The following HS3ST4 variants were observed in gnomAD, a reference collection of about 807,000 sequenced individuals.
HS3ST4 encodes the protein heparan sulfate glucosamine 3-O-sulfotransferase 4.
HS3ST4 carries 17 observed loss-of-function variants against 29.2 expected under a neutral mutation model. The ratio of observed to expected loss-of-function variants is 0.58; its 90% CI spans 0.40 to 0.87. HS3ST4 has a LOEUF of 0.87. Among genes scored for constraint, HS3ST4 ranks in the 40% least tolerant of loss-of-function variants. The pLI, the probability that HS3ST4 is intolerant of heterozygous loss-of-function variation, is 0.00. For missense variants in HS3ST4, 627 were observed against 634.5 expected (o/e 0.99, Z 0.13); for synonymous variants, 314 against 285.7 (o/e 1.10, Z -1.00).
chr16:25,994,848 G>T (rs1220179467), intron 1 of HS3ST4, among the ~76,000 whole-genome samples: 1 of 152,176 alleles, frequency 6.6e-6, no homozygotes, highest in Non-Finnish European at 1.5e-5. Context: ...AAAACATGCA[G>T]CTGAATGGTG....
At chr16:26,021,312 C>G (rs1257859017) in intron 1 of HS3ST4, among the ~76,000 whole-genome samples, 1 of 152,188 alleles carries the variant, frequency 6.6e-6, no homozygotes, top group Admixed American at 6.5e-5. Context: ...CACACTGGAC[C>G]TGCATTCCTG....
intron 1 of HS3ST4, among the ~76,000 whole-genome samples, chr16:25,830,053 G>C (rs1967277663): frequency 6.6e-6 from 1 of 152,048 alleles, no homozygotes; most frequent in Non-Finnish European, 1.5e-5. Flanking sequence ...TCGAGCTCCT[G>C]AGTTCAGGCA....
chr16:26,085,247 A>G (rs1898772983), intron 1 of HS3ST4, among the ~76,000 whole-genome samples: 1 of 152,134 alleles, frequency 6.6e-6, no homozygotes, highest in Admixed American at 6.5e-5. Flanking sequence ...CAACAGTAAC[A>G]CCCACTTCTC....
chr16:26,045,667 T>C (rs1015570337), intron 1 of HS3ST4, among the ~76,000 whole-genome samples: 2 of 152,138 alleles, frequency 1.3e-5, no homozygotes, highest in Admixed American at 6.5e-5. Context: ...CCTTGATGGC[T>C]GATTTTTTTG....
At chr16:25,721,548 T>C (rs1966496151) in intron 1 of HS3ST4, among the ~76,000 whole-genome samples, 1 of 152,226 alleles carries the variant, frequency 6.6e-6, no homozygotes, top group South Asian at 2.1e-4. Context: ...AGGAACATGT[T>C]TGCCTGCCCA....
At chr16:25,928,510 A>G (rs1157993156) in intron 1 of HS3ST4, among the ~76,000 whole-genome samples, 1 of 152,206 alleles carries the variant, frequency 6.6e-6, no homozygotes, top group Non-Finnish European at 1.5e-5. Context: ...ATATCTTCCA[A>G]TCTAACAAGC....
rs993058616 is a variant in HS3ST4 at position 25,788,888 on chromosome 16, A to G, written c.734+95737A>G. ...AGGCAGGACTTGTCAGTGTGATAGC[A>G]ATGCCAAGATTATGTTTACAGGTGG... On this transcript the variant is annotated intron_variant, in intron 1 of 1. Coordinates refer to ENST00000331351, the MANE Select transcript of HS3ST4 (RefSeq NM_006040.3). Among the ~76,000 whole-genome samples, 3 of 152,098 alleles carry G rather than the reference A, an allele frequency of 2.0e-5. No individual in the cohort carries two copies. The East Asian group carries it at 5.8e-4, about 29-fold the overall frequency.
chr16:26,018,045 C>T (rs751529409), intron 1 of HS3ST4, among the ~76,000 whole-genome samples: 1 of 152,162 alleles, frequency 6.6e-6, no homozygotes. Context: ...GATGGCCCGT[C>T]GCACATGTCT....
intron 1 of HS3ST4, among the ~76,000 whole-genome samples, chr16:25,850,595 T>A (rs1193701825): frequency 1.3e-5 from 2 of 152,182 alleles, no homozygotes; most frequent in Admixed American, 6.6e-5. Context: ...AAATTCAAAT[T>A]TCTTTGCCTC....
At chr16:26,106,366 T>C (rs1899057190) in intron 1 of HS3ST4, among the ~76,000 whole-genome samples, 1 of 152,200 alleles carries the variant, frequency 6.6e-6, no homozygotes, top group Non-Finnish European at 1.5e-5. Context: ...ATAAGAACAT[T>C]TACTTTATGC....
At chr16:26,044,693 C>T (rs1898244448) in intron 1 of HS3ST4, among the ~76,000 whole-genome samples, 1 of 151,752 alleles carries the variant, frequency 6.6e-6, no homozygotes, top group Non-Finnish European at 1.5e-5. Context: ...TTCAACATTC[C>T]AGGAGTCTAG....
intron 1 of HS3ST4, among the ~76,000 whole-genome samples, chr16:25,957,954 A>G (rs1388625663): frequency 6.6e-6 from 1 of 152,004 alleles, no homozygotes; most frequent in Non-Finnish European, 1.5e-5. Context: ...TCTTGTAAGG[A>G]GGTCTCACAC....
intron 1 of HS3ST4, among the ~76,000 whole-genome samples, chr16:26,055,593 A>G (rs575121875): frequency 6.6e-6 from 1 of 152,136 alleles, no homozygotes; most frequent in Non-Finnish European, 1.5e-5. Flanking sequence ...AATACCCACC[A>G]ATGCTTAGTT....
Position 25,926,283 on chromosome 16 carries a change from G to A in HS3ST4, c.735-209329G>A, listed in dbSNP as rs74332485. ...TCTGTCTCTGTAGATTCACCTCTCC[G>A]AACACTGGGACTCCCCCTGGCAGTA... On this transcript the variant is annotated intron_variant, in intron 1 of 1. Transcript: ENST00000331351. Among the ~76,000 whole-genome samples the A allele has an allele frequency of 4.6e-3, 704 of 152,102 alleles. 12 individuals are homozygous for A. Among genetic ancestry groups the A allele is most frequent in the East Asian group, 0.029 (151 of 5,170 alleles).
chr16:25,974,201 C>T (rs1968922027), intron 1 of HS3ST4, among the ~76,000 whole-genome samples: 1 of 152,152 alleles, frequency 6.6e-6, no homozygotes, highest in African/African-American at 2.4e-5. Context: ...CTGTATTTAT[C>T]TAATATGCTT....
chr16:25,943,012 A>G lies in HS3ST4; in HGVS notation c.735-192600A>G, dbSNP rs1041439165. Among the ~76,000 whole-genome samples the G allele has an allele frequency of 7.2e-5, 11 of 152,224 alleles. No individual in the cohort carries two copies. In the East Asian group the frequency reaches 2.1e-3, roughly 29 times the overall value. On this transcript the variant is annotated intron_variant, in intron 1 of 1. Coordinates refer to ENST00000331351, the MANE Select transcript of HS3ST4 (RefSeq NM_006040.3). ...ACGTTAATAAACCAAGCAGTTCAAA[A>G]AACAATCCTCTTCATTAAAGCAAAA...
At chr16:26,115,291 A>G (rs934707512) in intron 1 of HS3ST4, among the ~76,000 whole-genome samples, 2 of 139,720 alleles carry the variant, frequency 1.4e-5, no homozygotes, top group African/African-American at 4.9e-5. Flanking sequence ...ACACACAAGT[A>G]TAAACGTATA....
In HS3ST4 at chr16:26,136,851, C is replaced by A. The variant is rs577894595; in HGVS notation, c.*603C>A. 1.7e-3 allele frequency: 255 copies of A among 153,496 alleles called. No individual in the cohort carries two copies. Among genetic ancestry groups the A allele is most frequent in the African/African-American group, 6.0e-3 (248 of 41,532 alleles). The allele number at this position is 153,496 out of a possible 1,614,324, so 9.5% of individuals were successfully genotyped here. ...TCATGAAGGCAGAGGCATGCACATTCCTCACTGAAAAAGAAAACACACACC... is the reference window on the plus strand; with the variant it reads ...TCATGAAGGCAGAGGCATGCACATTACTCACTGAAAAAGAAAACACACACC... On this transcript the variant is annotated 3_prime_UTR_variant, in exon 2 of 2. Transcript: ENST00000331351.
At chr16:25,839,887 GGTC>G (rs1350922385) in intron 1 of HS3ST4, among the ~76,000 whole-genome samples, 3 of 152,082 alleles carry the variant, frequency 2.0e-5, no homozygotes, top group African/African-American at 7.3e-5. Flanking sequence ...TTTTAAGGCA[GGTC>G]CAATCCCTTT....
Sources: allele counts gnomAD v4.1 joint callset (sites outside exome capture counted in the v4.1 genomes callset), GRCh38; gene constraint gnomAD v4.1.1; transcripts MANE v1.5; gene names NCBI Gene and HGNC (gene_info 2026-07-23, HGNC 2026-07-21).